The following ZNF385D variants were observed in gnomAD, a reference collection of about 807,000 sequenced individuals.
ZNF385D encodes the protein zinc finger protein 385D, also known as zinc finger protein 659.
ZNF385D carries 15 observed loss-of-function variants against 35.8 expected under a neutral mutation model. The observed-to-expected ratio is 0.42, with a 90% CI of 0.28 to 0.64. The LOEUF (loss-of-function observed/expected upper bound fraction) is 0.64. Among genes scored for constraint, ZNF385D ranks in the 30% least tolerant of loss-of-function variants. The pLI, the probability that ZNF385D is intolerant of heterozygous loss-of-function variation, is 0.23. For synonymous variants in ZNF385D, 212 were observed against 186.8 expected (o/e 1.13, Z -1.10); for missense variants, 474 against 494.6 (o/e 0.96, Z 0.39).
chr3:21,581,172 T>G (rs995650574), intron 2 of ZNF385D, among the ~76,000 whole-genome samples: 4 of 152,176 alleles, frequency 2.6e-5, no homozygotes, highest in African/African-American at 4.8e-5. Flanking sequence ...CCCAGACATT[T>G]TGCTGCAATA....
chr3:22,112,581 T>C (rs1702591038), intron 3 of ZNF385D, among the ~76,000 whole-genome samples: 1 of 152,130 alleles, frequency 6.6e-6, no homozygotes, highest in African/African-American at 2.4e-5. Flanking sequence ...GCTATGTAAG[T>C]GTTATGACTT....
intron 3 of ZNF385D, among the ~76,000 whole-genome samples, chr3:21,953,112 A>G (rs1439913099): frequency 1.3e-5 from 2 of 152,064 alleles, no homozygotes; most frequent in Middle Eastern, 3.4e-3. Flanking sequence ...CTACAGTATT[A>G]TCTTCTCTGC....
chr3:21,739,159 G>T (rs531088788), intron 1 of ZNF385D, among the ~76,000 whole-genome samples: 1 of 152,172 alleles, frequency 6.6e-6, no homozygotes, highest in Admixed American at 6.5e-5. Flanking sequence ...ACTGAGCAAG[G>T]GGAAGTAGAG....
At chr3:21,696,885 T>C (rs1482531692) in intron 1 of ZNF385D, among the ~76,000 whole-genome samples, 3 of 152,368 alleles carry the variant, frequency 2.0e-5, no homozygotes, top group East Asian at 3.8e-4. Flanking sequence ...ATAAGGAACC[T>C]GAAGTTAGTA....
chr3:22,278,157 A>G (rs1701529266), intron 2 of ZNF385D, among the ~76,000 whole-genome samples: 1 of 152,148 alleles, frequency 6.6e-6, no homozygotes, highest in Non-Finnish European at 1.5e-5. Flanking sequence ...AACATGGCCT[A>G]CAACAGTATC....
intron 3 of ZNF385D, among the ~76,000 whole-genome samples, chr3:21,831,549 C>A (rs1694987161): frequency 6.6e-6 from 1 of 152,154 alleles, no homozygotes; most frequent in African/African-American, 2.4e-5. Flanking sequence ...CAAAGGTTAT[C>A]CATACCACTT....
At chr3:22,221,120 AGTGT>A (rs950798631) in intron 2 of ZNF385D, among the ~76,000 whole-genome samples, 33 of 152,042 alleles carry the variant, frequency 2.2e-4, no homozygotes, top group East Asian at 7.7e-4. Flanking sequence ...TATGTGTGCG[AGTGT>A]GTGTGTGTTT....
intron 2 of ZNF385D, among the ~76,000 whole-genome samples, chr3:22,355,061 C>T (rs1045660360): frequency 6.6e-6 from 1 of 151,834 alleles, no homozygotes; most frequent in African/African-American, 2.4e-5. Context: ...TGTTTGTGAG[C>T]CTCTATATTT....
At chr3:21,482,868 C>CA (rs1463087252) in intron 4 of ZNF385D, among the ~76,000 whole-genome samples, 2 of 152,022 alleles carry the variant, frequency 1.3e-5, no homozygotes, top group East Asian at 3.9e-4. Flanking sequence ...ATAGAAGTTG[C>CA]AAAAATAGTA....
intron 1 of ZNF385D, among the ~76,000 whole-genome samples, chr3:21,705,703 C>T (rs867468895): frequency 1.3e-5 from 2 of 152,186 alleles, no homozygotes; most frequent in South Asian, 2.1e-4. Context: ...GAAAACAAAA[C>T]CTTCTCTGTG....
intron 3 of ZNF385D, among the ~76,000 whole-genome samples, chr3:21,826,514 G>C (rs1185371482): frequency 6.6e-6 from 1 of 152,170 alleles, no homozygotes; most frequent in East Asian, 1.9e-4. Flanking sequence ...TGGAGAAGAA[G>C]AGGTTCAGGA....
At chr3:21,704,282 T>C (rs998057176) in intron 1 of ZNF385D, among the ~76,000 whole-genome samples, 12 of 152,164 alleles carry the variant, frequency 7.9e-5, no homozygotes, top group Non-Finnish European at 1.3e-4. Context: ...TCTACTCAGG[T>C]CCTGCCAATA....
chr3:21,814,211 G>C (rs1308630011), intron 3 of ZNF385D, among the ~76,000 whole-genome samples: 1 of 152,158 alleles, frequency 6.6e-6, no homozygotes, highest in Non-Finnish European at 1.5e-5. Context: ...ACTAAACATG[G>C]AAAGGAACAA....
intron 2 of ZNF385D, among the ~76,000 whole-genome samples, chr3:21,613,436 T>A (rs1182697630): frequency 6.6e-6 from 1 of 151,428 alleles, no homozygotes; most frequent in Non-Finnish European, 1.5e-5. Context: ...TGTGAACACA[T>A]TGATAGGGTC....
chr3:22,127,317 C>CTTTTTTTTTTT (rs71044975), intron 3 of ZNF385D, among the ~76,000 whole-genome samples: 2 of 56,334 alleles, frequency 3.6e-5, no homozygotes, highest in Middle Eastern at 0.012. Flanking sequence ...TCATTTCCTG[C>CTTTTTTTTTTT]TTTTTTTTTT....
At chr3:21,796,327 G>C (rs749361151) in intron 3 of ZNF385D, among the ~76,000 whole-genome samples, 37 of 152,018 alleles carry the variant, frequency 2.4e-4, no homozygotes, top group Non-Finnish European at 2.9e-4. Context: ...AACCCAACAA[G>C]AACACCACAA....
chr3:21,942,302 A>C (rs1265476512), intron 3 of ZNF385D, among the ~76,000 whole-genome samples: 1 of 152,206 alleles, frequency 6.6e-6, no homozygotes, highest in Non-Finnish European at 1.5e-5. Flanking sequence ...AATAGATTTG[A>C]ATTCTTTCCC....
At chr3:21,824,312 G>T (rs1694459247) in intron 3 of ZNF385D, among the ~76,000 whole-genome samples, 1 of 152,104 alleles carries the variant, frequency 6.6e-6, no homozygotes, top group Admixed American at 6.5e-5. Flanking sequence ...TAGTAATGGT[G>T]CTTTTTATAA....
chr3:21,691,683 C>T (rs1445683046), intron 1 of ZNF385D, among the ~76,000 whole-genome samples: 3 of 152,084 alleles, frequency 2.0e-5, no homozygotes, highest in Non-Finnish European at 4.4e-5. Flanking sequence ...TCACTGATCA[C>T]ATTCATTCTC....
Sources: gnomAD v4.1 joint callset for allele counts (sites outside exome capture counted in the v4.1 genomes callset) on GRCh38, gnomAD v4.1.1 for gene constraint, MANE v1.5 for transcripts, NCBI Gene and HGNC (gene_info 2026-07-23, HGNC 2026-07-21) for gene names.